The following GC variants were observed in gnomAD, a reference collection of about 807,000 sequenced individuals.
The protein encoded by GC is vitamin D-binding protein.
Under a neutral mutation model 56.7 loss-of-function variants are expected in GC, and 43 were observed. That is an observed-to-expected ratio of 0.76 (90% CI 0.59 to 0.98). The LOEUF (loss-of-function observed/expected upper bound fraction) is 0.98. Among genes scored for constraint, GC ranks in the 50% least tolerant of loss-of-function variants. The probability of loss-of-function intolerance (pLI) is 0.00; values close to 1 mark genes in which losing one functional copy is unlikely to be tolerated. For missense variants in GC, 529 were observed against 545.9 expected, an observed-to-expected ratio of 0.97 and a Z score of 0.31; for synonymous variants, 216 against 202.7, an observed-to-expected ratio of 1.07 and a Z score of -0.56.
chr4:71,782,275 C>A (rs1383403395), intron 1 of GC, among the ~76,000 whole-genome samples: 1 of 151,704 alleles, frequency 6.6e-6, no homozygotes, highest in Non-Finnish European at 1.5e-5. Flanking sequence ...CTCAGAACTC[C>A]CTTAATCTGT....
upstream of GC, chr4:71,804,126 C>T (rs567408551): frequency 1.8e-5 from 11 of 620,588 alleles, no homozygotes; most frequent in South Asian, 1.9e-4. Context: ...GTCTGTCCCA[C>T]AGACCCTGGC....
upstream of GC, among the ~76,000 whole-genome samples, chr4:71,785,080 G>A (rs1742801157): frequency 6.6e-6 from 1 of 151,694 alleles, no homozygotes; most frequent in Admixed American, 6.6e-5. Context: ...TTTCATAGCT[G>A]TGTAACCTTG....
rs56097748 is a variant in GC, at chr4:71,763,952, T to C, written c.474-16A>G. Reference sequence around the variant, plus strand: ...CCACATAAATCTGTGGAGGAAAAAATAGAATTGGTCAAAAAATTTGTGAAT... The same window carrying C: ...CCACATAAATCTGTGGAGGAAAAAACAGAATTGGTCAAAAAATTTGTGAAT... On this transcript the variant is annotated splice_polypyrimidine_tract_variant and intron_variant, in intron 4 of 12. Coordinates refer to ENST00000273951, the MANE Select transcript of GC (RefSeq NM_000583.4). The C allele has an allele frequency of 0.048, 76,639 of 1,601,460 alleles. 2,174 individuals carry two copies. Among genetic ancestry groups the C allele is most frequent in the Middle Eastern group, 0.066 (400 of 6,020 alleles).
At chr4:71,804,513 T>C (rs1027384805), upstream of GC, among the ~76,000 whole-genome samples, 1 of 152,078 alleles carries the variant, frequency 6.6e-6, no homozygotes, top group Non-Finnish European at 1.5e-5. Context: ...TCTGGTTGGC[T>C]TGTTGTTTGC....
rs1355516432 is a variant in GC, at chr4:71,779,021, C to A, written c.58+4940G>T. On this transcript the variant is annotated intron_variant, in intron 1 of 12. Coordinates refer to ENST00000273951, the MANE Select transcript of GC (RefSeq NM_000583.4). The stretch of plus-strand genomic sequence containing the variant: ...CACACAAAAACACACACAGACACAT[C>A]AGCTATCTCCTGGGAGCATGGCATC... 5.9e-5 allele frequency among the ~76,000 whole-genome samples: 9 copies of A among 151,278 alleles called. No individual in the cohort carries two copies. In the Admixed American group the frequency reaches 6.0e-4, roughly 10 times the overall value.
chr4:71,782,283 T>G (rs542008708), intron 1 of GC, among the ~76,000 whole-genome samples: 10 of 151,894 alleles, frequency 6.6e-5, no homozygotes, highest in African/African-American at 2.4e-4. Context: ...TCCCTTAATC[T>G]GTACACTTTG....
At chr4:71,748,819 G>A (rs2149293454) in intron 11 of GC, among the ~76,000 whole-genome samples, 1 of 152,260 alleles carries the variant, frequency 6.6e-6, no homozygotes, top group South Asian at 2.1e-4. Context: ...CAGTCTTCCA[G>A]TAGTTGTGCC....
At chr4:71,760,704 T>C (rs907988594) in intron 6 of GC, among the ~76,000 whole-genome samples, 9 of 152,222 alleles carry the variant, frequency 5.9e-5, no homozygotes, top group Non-Finnish European at 1.2e-4. Context: ...TGGGAGGTGA[T>C]TGAATCATGG....
chr4:71,772,214 T>C (rs1742365883), intron 1 of GC, among the ~76,000 whole-genome samples: 1 of 152,106 alleles, frequency 6.6e-6, no homozygotes, highest in Admixed American at 6.6e-5. Context: ...TTCCCAAGGC[T>C]TACTGTATTT....
Position 71,754,980 on chromosome 4 carries a change from T to C in GC, c.1162A>G (p.Lys388Glu), listed in dbSNP as rs761684766. The change falls in exon 9 of 13, where the codon AAG (lysine) becomes GAG (glutamate). Residue 388 changes from lysine to glutamate, a missense_variant and splice_region_variant. Coordinates refer to ENST00000273951, the MANE Select transcript of GC (RefSeq NM_000583.4). ...TAAAGAAAATCCAACAAATATACCTTAGCATTAAAACAGGTAGTTGAGTCT... is the reference window on the plus strand; with the variant it reads ...TAAAGAAAATCCAACAAATATACCTCAGCATTAAAACAGGTAGTTGAGTCT... ...VEDSTTCFNA[K>E]GPLLKKELSS... 3 of 1,570,558 alleles carry C rather than the reference T, an allele frequency of 1.9e-6. No homozygotes were observed. In the South Asian group the frequency reaches 3.6e-5, roughly 19 times the overall value.
intron 1 of GC, among the ~76,000 whole-genome samples, chr4:71,771,326 A>G (rs1171122473): frequency 1.3e-5 from 2 of 151,814 alleles, no homozygotes; most frequent in African/African-American, 4.8e-5. Flanking sequence ...ACAGACTTGA[A>G]AGGGTTGTAT....
At chr4:71,799,544 G>T (rs1743197948) in intron 1 of GC, among the ~76,000 whole-genome samples, 1 of 152,152 alleles carries the variant, frequency 6.6e-6, no homozygotes, top group Admixed American at 6.5e-5. Context: ...AGGAGTCCTA[G>T]GTCAGGAGAG....
upstream of GC, among the ~76,000 whole-genome samples, chr4:71,784,895 TA>T (rs943027536): frequency 4.6e-5 from 7 of 151,732 alleles, no homozygotes; most frequent in Admixed American, 1.3e-4. Context: ...ATCTTCATTT[TA>T]CAGAAGAGTG....
chr4:71,749,327 A>G (rs1171393073), intron 11 of GC, among the ~76,000 whole-genome samples: 15 of 152,186 alleles, frequency 9.9e-5, no homozygotes, highest in Admixed American at 9.2e-4. Flanking sequence ...GCAATATGTT[A>G]TATTGAAAAC....
At chr4:71,756,258 C>A (rs577973385) in intron 8 of GC, among the ~76,000 whole-genome samples, 35 of 152,140 alleles carry the variant, frequency 2.3e-4, no homozygotes, top group Non-Finnish European at 4.9e-4. Flanking sequence ...TTTCTGGTTG[C>A]ATGATATATT....
upstream of GC, among the ~76,000 whole-genome samples, chr4:71,804,960 C>T (rs1309246427): frequency 6.6e-6 from 1 of 152,234 alleles, no homozygotes; most frequent in East Asian, 1.9e-4. Flanking sequence ...ATGGTTCCTT[C>T]TCCCTTCCCT....
intron 6 of GC, among the ~76,000 whole-genome samples, chr4:71,760,041 G>GT (rs66464250): frequency 4.4e-3 from 445 of 101,412 alleles, no homozygotes; most frequent in East Asian, 0.012. Context: ...AAAGAAACTA[G>GT]TTTTTTTTTT....
At chr4:71,805,164 C>T (rs1560719636), upstream of GC, among the ~76,000 whole-genome samples, 1 of 152,088 alleles carries the variant, frequency 6.6e-6, no homozygotes, top group Non-Finnish European at 1.5e-5. Context: ...CATTAGGTCC[C>T]TTAATTGAGC....
intron 1 of GC, among the ~76,000 whole-genome samples, chr4:71,799,775 T>A (rs1743205398): frequency 2.0e-5 from 3 of 152,134 alleles, no homozygotes; most frequent in African/African-American, 7.2e-5. Flanking sequence ...AAAAAAGCAG[T>A]GAAGGTTGTG....
Sources: gnomAD v4.1 joint callset for allele counts (sites outside exome capture counted in the v4.1 genomes callset) on GRCh38, gnomAD v4.1.1 for gene constraint, MANE v1.5 for transcripts, NCBI Gene and HGNC (gene_info 2026-07-23, HGNC 2026-07-21) for gene names.